Variants in NLRP1 observed in about 807,000 individuals in gnomAD.
The protein encoded by NLRP1 is NLR family pyrin domain containing 1.
NLRP1 carries 94 observed loss-of-function variants against 136.7 expected under a neutral mutation model. The ratio of observed to expected loss-of-function variants is 0.69; its 90% confidence interval spans 0.58 to 0.82. The LOEUF (loss-of-function observed/expected upper bound fraction) is 0.82. NLRP1 is among the 40% of genes least tolerant of loss of function. The pLI is 0.00. For missense variants in NLRP1, 1,575 were observed against 1,802.7 expected, an observed-to-expected ratio of 0.87 and a Z score of 2.29; for synonymous variants, 690 against 725.1, an observed-to-expected ratio of 0.95 and a Z score of 0.78.
At chr17:5,572,240 T>A (rs779601862) in intron 3 of NLRP1, among the ~76,000 whole-genome samples, 1 of 152,014 alleles carries the variant, frequency 6.6e-6, no homozygotes, top group Non-Finnish European at 1.5e-5. Flanking sequence ...AAAACAAAAA[T>A]TGACAAATGG....
intron 11 of NLRP1, among the ~76,000 whole-genome samples, chr17:5,531,505 C>T (rs1910269298): frequency 1.3e-5 from 2 of 152,260 alleles, no homozygotes; most frequent in Non-Finnish European, 2.9e-5. Flanking sequence ...AGGCATGAGC[C>T]ACTATGCCTG....
chr17:5,563,089 A>G (rs1914943563), intron 3 of NLRP1, among the ~76,000 whole-genome samples: 2 of 152,186 alleles, frequency 1.3e-5, no homozygotes, highest in South Asian at 4.1e-4. Context: ...CAAGGGCTTC[A>G]AACAAGATAA....
chr17:5,583,142 C>T lies in NLRP1; in HGVS notation c.272-296G>A, dbSNP rs1427188863. 1.3e-5 allele frequency among the ~76,000 whole-genome samples: 2 copies of T among 152,112 alleles called. No individual in the cohort carries two copies. Among genetic ancestry groups the T allele is most frequent in the Admixed American group, 6.5e-5 (1 of 15,278 alleles). ...CCTCAGCTGTGCTTTATTGGGCCAA[C>T]GGCATCTGCAACCCAGGGTGGCTAA... On this transcript the variant is annotated intron_variant, in intron 1 of 16. Transcript: ENST00000572272. The surrounding 1 kb of genome is among the most constrained non-coding windows in gnomAD (Gnocchi z 4.5).
chr17:5,562,978 G>A (rs535763037), intron 3 of NLRP1, among the ~76,000 whole-genome samples: 1 of 152,336 alleles, frequency 6.6e-6, no homozygotes, highest in East Asian at 1.9e-4. Context: ...TCTAGAGTTA[G>A]AGCAGGCAGC....
intron 4 of NLRP1, among the ~76,000 whole-genome samples, chr17:5,556,030 G>A (rs1597454200): frequency 6.6e-6 from 1 of 151,730 alleles, no homozygotes; most frequent in East Asian, 1.9e-4. Flanking sequence ...GGAGGCAGAG[G>A]TTGCAGTGAG....
In NLRP1 at chr17:5,504,879, A is replaced by C. The variant is rs908757078; in HGVS notation, c.4070-3007T>G. ...GCAAGAGGCAAAATTCACAAAGGCC[A>C]CTTTTAGCTCGAAGTGTTCATGCCC... On this transcript the variant is annotated intron_variant, in intron 15 of 15. Coordinates refer to the NLRP1 transcript ENST00000262467. This position sits in a 1 kb window ranked among gnomAD's most constrained non-coding sequence, Gnocchi z 4.4. 1 of 153,084 alleles carries C rather than the reference A, an allele frequency of 6.5e-6. No individual in the cohort carries two copies. The highest frequency in any genetic ancestry group is 1.5e-5 in the Non-Finnish European group (1 of 68,228). The allele number at this position is 153,084 out of a possible 1,614,324, so 9.5% of individuals were successfully genotyped here. A position where few individuals can be genotyped will look rare whatever the true frequency, so the allele number is the denominator to read the frequency against.
chr17:5,513,188 T>A (rs1176129882), downstream of NLRP1, among the ~76,000 whole-genome samples: 1 of 152,256 alleles, frequency 6.6e-6, no homozygotes, highest in Non-Finnish European at 1.5e-5. Context: ...TGGCTTTGTA[T>A]TTCAGACAAC....
intron 15 of NLRP1, 140 bp from the exon 16 acceptor site, chr17:5,515,657 G>GTGGGTCCT: frequency 1.4e-6 from 1 of 714,386 alleles, no homozygotes. Flanking sequence ...AGAATCTGGA[G>GTGGGTCCT]TAAGAGCTGG....
rs776202533 is a variant in NLRP1 at position 5,506,737 on chromosome 17, C to CAAAA, written c.4070-4869_4070-4866dup. 2.9e-3 allele frequency among the ~76,000 whole-genome samples: 384 copies of CAAAA among 131,546 alleles called. 5 individuals are homozygous for CAAAA. Among genetic ancestry groups the CAAAA allele is most frequent in the South Asian group, 6.8e-3 (28 of 4,102 alleles). The allele number at this position is 131,546 out of a possible 152,430, so 86.3% of individuals were successfully genotyped here. A position where few individuals can be genotyped will look rare whatever the true frequency, so the allele number is the denominator to read the frequency against. ...TGAAACCCCAGCTCTACTAAAAATA[C>CAAAA]AAAAAAAAAAAAAAATTAGCTGGGC... On this transcript the variant is annotated intron_variant, in intron 15 of 15. Transcript: ENST00000262467.
rs911521649 is a variant in NLRP1, at chr17:5,561,551, C to T, written c.653-1508G>A. 2.1e-4 allele frequency among the ~76,000 whole-genome samples: 21 copies of T among 99,396 alleles called. 6 individuals are homozygous for T. The highest frequency in any genetic ancestry group is 4.5e-4 in the Non-Finnish European group (21 of 46,894). 65.2% of individuals were successfully genotyped at this position (99,396 alleles called of 152,430 possible). On this transcript the variant is annotated intron_variant, in intron 3 of 16. Coordinates refer to ENST00000572272, the MANE Select transcript of NLRP1 (RefSeq NM_033004.4). ...CTCCGCTTCCCGGGTTCACGCCATT[C>T]TCCTGCCTCAGCCTCCCGAGTAGCT...
intron 14 of NLRP1, among the ~76,000 whole-genome samples, chr17:5,519,477 C>G (rs1214703237): frequency 7.1e-6 from 1 of 141,114 alleles, no homozygotes; most frequent in African/African-American, 2.6e-5. Flanking sequence ...CAGAGTTTTG[C>G]TCTTGTAGCC....
intron 3 of NLRP1, among the ~76,000 whole-genome samples, chr17:5,565,029 G>A (rs1050802720): frequency 1.3e-5 from 2 of 151,868 alleles, no homozygotes; most frequent in African/African-American, 4.9e-5. Context: ...GAGCCACTGC[G>A]CCCAGCCAAT....
intron 6 of NLRP1, among the ~76,000 whole-genome samples, chr17:5,540,404 A>T (rs1911720430): frequency 6.6e-6 from 1 of 151,862 alleles, no homozygotes; most frequent in Admixed American, 6.6e-5. Flanking sequence ...CTGTCTGGGG[A>T]TCCTCTGCTC....
At chr17:5,542,595 C>T (rs545709004) in intron 5 of NLRP1, among the ~76,000 whole-genome samples, 6 of 152,284 alleles carry the variant, frequency 3.9e-5, no homozygotes, top group Middle Eastern at 3.4e-3. Context: ...CTGCTCCTTT[C>T]TGCTTTACTT....
chr17:5,523,208 C>T (rs1909115017), intron 12 of NLRP1, among the ~76,000 whole-genome samples: 2 of 152,100 alleles, frequency 1.3e-5, no homozygotes, highest in South Asian at 4.2e-4. Context: ...ATCACTTGAA[C>T]CCAGAAGTTC....
downstream of NLRP1, among the ~76,000 whole-genome samples, chr17:5,513,067 C>G (rs943630839): frequency 6.6e-6 from 1 of 152,216 alleles, no homozygotes; most frequent in Non-Finnish European, 1.5e-5. Context: ...CCACCACTTT[C>G]CTGCTTTATA....
rs1378916976 is a variant in NLRP1 at position 5,559,861 on chromosome 17, T to C, written c.835A>G (p.Thr279Ala). The C allele has an allele frequency of 6.2e-7, 1 of 1,614,236 alleles. No homozygotes were observed. The highest frequency in any genetic ancestry group is 1.1e-5 in the South Asian group (1 of 91,088). The change falls in exon 4 of 17, where the codon ACA becomes GCA. Residue 279 changes from threonine (T) to alanine (A), a missense_variant. Physicochemically the swap from Thr to Ala is moderately conservative, Grantham distance 58 (BLOSUM62 0). Coordinates refer to ENST00000572272, the MANE Select transcript of NLRP1 (RefSeq NM_033004.4). Reference protein sequence around the residue: ...WKNEDFNQKFTQLLLLQRPHP... With the variant: ...WKNEDFNQKFAQLLLLQRPHP... ...GGTCTTTGTAGAAGTAGCAGCTGTG[T>C]GAATTTTTGGTTAAAATCCTCATTT...
At chr17:5,516,205 G>A (rs1423739796) in intron 15 of NLRP1, among the ~76,000 whole-genome samples, 1 of 152,120 alleles carries the variant, frequency 6.6e-6, no homozygotes, top group Non-Finnish European at 1.5e-5. Context: ...GGGAGTTCAG[G>A]TTGTGGTACC....
In NLRP1 at chr17:5,521,455, G is replaced by A. The variant is rs1908890330; in HGVS notation, c.3783+69C>T. ...GTCCCAGTTGAAGACCCTCTAGGGG[G>A]CTCTCTGGCTGCATTTTGTGTTTAC... On this transcript the variant is annotated intron_variant, in intron 13 of 16. Transcript: ENST00000572272. 6.6e-6 allele frequency: 10 copies of A among 1,525,156 alleles called. No homozygotes were observed. In the South Asian group the frequency reaches 1.1e-4, roughly 17 times the overall value. The allele number at this position is 1,525,156 out of a possible 1,614,324, so 94.5% of individuals were successfully genotyped here. A position where few individuals can be genotyped will look rare whatever the true frequency, so the allele number is the denominator to read the frequency against.
Sources: gnomAD v4.1 joint callset for allele counts (sites outside exome capture counted in the v4.1 genomes callset) on GRCh38, gnomAD v4.1.1 for gene constraint, Gnocchi (gnomAD v3.1) non-coding constraint, MANE v1.5 for transcripts, NCBI Gene and HGNC (gene_info 2026-07-23, HGNC 2026-07-21) for gene names.